The following PCDHA13 variants were observed in gnomAD, a reference collection of about 807,000 sequenced individuals.
PCDHA13 encodes protocadherin alpha 13.
In PCDHA13, 54 loss-of-function variants were observed where a neutral mutation model predicts 64.8. The observed-to-expected ratio is 0.83, with a 90% CI of 0.67 to 1.04. PCDHA13 has a LOEUF of 1.04. Ranked by LOEUF, PCDHA13 falls within the 50% of genes least tolerant of loss-of-function variation. The pLI is 0.00. For synonymous variants in PCDHA13, 587 were observed against 564.4 expected (o/e 1.04, Z -0.57); for missense variants, 1,248 against 1,254.3 (o/e 0.99, Z 0.08).
intron 1 of PCDHA13, chr5:140,927,089 T>G: frequency 6.2e-7 from 1 of 1,612,460 alleles, no homozygotes; most frequent in Non-Finnish European, 8.5e-7. Flanking sequence ...GAGCTCTACT[T>G]CGGGGTGGAT....
At chr5:141,003,095 T>C (rs1245011518) in intron 3 of PCDHA13, among the ~76,000 whole-genome samples, 3 of 152,258 alleles carry the variant, frequency 2.0e-5, no homozygotes, top group African/African-American at 7.2e-5. Flanking sequence ...AGGCCTGGCA[T>C]TTGCTTCACA....
At chr5:140,993,078 A>G (rs1373767899) in intron 3 of PCDHA13, among the ~76,000 whole-genome samples, 2 of 152,212 alleles carry the variant, frequency 1.3e-5, no homozygotes, top group Non-Finnish European at 2.9e-5. Flanking sequence ...GCAGTCTGCA[A>G]TCAGCAGGGC....
intron 1 of PCDHA13, among the ~76,000 whole-genome samples, chr5:140,909,761 TC>T (rs1308608657): frequency 1.3e-5 from 2 of 152,052 alleles, no homozygotes; most frequent in Admixed American, 6.5e-5. Context: ...ACAGGATGAG[TC>T]CAGGGACCCA....
chr5:140,907,517 G>A (rs1174112923), intron 1 of PCDHA13, among the ~76,000 whole-genome samples: 3 of 152,192 alleles, frequency 2.0e-5, no homozygotes, highest in Non-Finnish European at 4.4e-5. Flanking sequence ...TTCCAGTGAG[G>A]ACAAATCGCT....
At chr5:140,927,668 A>T in intron 1 of PCDHA13, 1 of 1,614,208 alleles carries the variant, frequency 6.2e-7, no homozygotes, top group Non-Finnish European at 8.5e-7. Flanking sequence ...CAAGCCTTGG[A>T]TCCAGATGAA....
intron 3 of PCDHA13, among the ~76,000 whole-genome samples, chr5:141,007,658 A>G (rs2098338890): frequency 6.6e-6 from 1 of 152,098 alleles, no homozygotes; most frequent in Non-Finnish European, 1.5e-5. Context: ...AAAAACCATA[A>G]ATTTACAAAG....
chr5:140,898,138 T>C (rs1294129650), intron 1 of PCDHA13, among the ~76,000 whole-genome samples: 1 of 152,208 alleles, frequency 6.6e-6, no homozygotes, highest in African/African-American at 2.4e-5. Flanking sequence ...ATTTTGTAGG[T>C]TGCCTGTTCA....
At chr5:141,000,538 A>C (rs31871) in intron 3 of PCDHA13, among the ~76,000 whole-genome samples, 70,673 of 145,962 alleles carry the variant, frequency 0.48, 18,171 homozygotes, top group African/African-American at 0.68. Flanking sequence ...AGTGATTCTC[A>C]TGCCTCAAAC....
intron 1 of PCDHA13, among the ~76,000 whole-genome samples, chr5:140,922,582 G>A (rs548638056): frequency 2.6e-5 from 4 of 152,276 alleles, no homozygotes; most frequent in Non-Finnish European, 4.4e-5. Context: ...CCCTGTAGCC[G>A]CCAGTTCTCA....
chr5:140,883,418 C>G lies in PCDHA13; in HGVS notation c.1150C>G (p.Gln384Glu). 6.2e-7 allele frequency: 1 copy of G among 1,614,172 alleles called. No homozygotes were observed. Among genetic ancestry groups the G allele is most frequent in the Non-Finnish European group, 8.5e-7 (1 of 1,180,034 alleles). ...VSDRDSGSNG[Q>E]VTCTLTPHVP... The stretch of plus-strand genomic sequence containing the variant: ...CGATCGTGACTCTGGCTCAAATGGA[C>G]AGGTCACCTGCACCTTGACGCCGCA... The change falls in exon 1 of 4, where the codon CAG (glutamine) becomes GAG (glutamate). Residue 384 changes from glutamine to glutamate, a missense_variant. Gln to Glu is a conservative substitution (Grantham distance 29). Coordinates refer to ENST00000289272, the MANE Select transcript of PCDHA13 (RefSeq NM_018904.3).
chr5:140,967,471 A>G (rs2096144842), intron 1 of PCDHA13: 3 of 1,613,466 alleles, frequency 1.9e-6, no homozygotes, highest in Middle Eastern at 1.7e-4. Context: ...GGGGCATCCC[A>G]GCCCGCTCGG....
chr5:140,944,133 G>C (rs1051812384), intron 1 of PCDHA13, among the ~76,000 whole-genome samples: 2 of 152,134 alleles, frequency 1.3e-5, no homozygotes, highest in Non-Finnish European at 2.9e-5. Context: ...AGAAAAGGTT[G>C]AAGATTAGAA....
intron 1 of PCDHA13, chr5:140,928,545 T>C: frequency 6.2e-7 from 1 of 1,614,220 alleles, no homozygotes; most frequent in Non-Finnish European, 8.5e-7. Flanking sequence ...GGAATGACAA[T>C]TATCCGGTTA....
chr5:140,995,113 A>T (rs560699104), intron 3 of PCDHA13, among the ~76,000 whole-genome samples: 1 of 152,370 alleles, frequency 6.6e-6, no homozygotes, highest in East Asian at 1.9e-4. Flanking sequence ...CAAGACCCTC[A>T]GTGGATGCCT....
intron 1 of PCDHA13, among the ~76,000 whole-genome samples, chr5:140,911,895 T>C (rs1289494210): frequency 1.3e-5 from 2 of 152,184 alleles, no homozygotes; most frequent in East Asian, 3.8e-4. Flanking sequence ...AAAATCTGTA[T>C]TAGTCAGAGC....
At chr5:140,920,636 G>C (rs1477753704) in intron 1 of PCDHA13, among the ~76,000 whole-genome samples, 1 of 152,096 alleles carries the variant, frequency 6.6e-6, no homozygotes, top group Non-Finnish European at 1.5e-5. Context: ...ACAAGGTCAA[G>C]AGATTGAGAC....
chr5:140,955,215 C>A (rs1313314138), intron 1 of PCDHA13, among the ~76,000 whole-genome samples: 1 of 152,148 alleles, frequency 6.6e-6, no homozygotes, highest in Non-Finnish European at 1.5e-5. Flanking sequence ...TAGCATGATG[C>A]CTCCAGCTTT....
intron 1 of PCDHA13, among the ~76,000 whole-genome samples, chr5:140,888,878 T>G (rs1280508372): frequency 6.6e-6 from 1 of 152,132 alleles, no homozygotes; most frequent in African/African-American, 2.4e-5. Flanking sequence ...ACATAAAAAT[T>G]AAAACATTAG....
intron 3 of PCDHA13, among the ~76,000 whole-genome samples, chr5:141,001,306 A>C (rs1554258083): frequency 6.6e-6 from 1 of 152,174 alleles, no homozygotes; most frequent in African/African-American, 2.4e-5. Context: ...CAGAGATATG[A>C]AATAATTTGC....
Sources: allele counts gnomAD v4.1 joint callset (sites outside exome capture counted in the v4.1 genomes callset), GRCh38; gene constraint gnomAD v4.1.1; transcripts MANE v1.5; gene names NCBI Gene and HGNC (gene_info 2026-07-23, HGNC 2026-07-21).